The following PLCG2 variants were observed in gnomAD, a reference collection of about 807,000 sequenced individuals.
PLCG2 encodes phospholipase C gamma 2, also known as 1-phosphatidylinositol 4,5-bisphosphate phosphodiesterase gamma-2.
A neutral mutation model predicts 175.6 loss-of-function variants in PLCG2; 69 were observed. That is an observed-to-expected ratio of 0.39 (90% CI 0.32 to 0.48). The LOEUF (loss-of-function observed/expected upper bound fraction) is 0.48. PLCG2 is among the 20% of genes least tolerant of loss of function. The pLI, the probability that PLCG2 is intolerant of heterozygous loss-of-function variation, is 0.91. For missense variants in PLCG2, 1,798 were observed against 1,650.9 expected (o/e 1.09, Z -1.54); for synonymous variants, 827 against 624.0 (o/e 1.33, Z -4.85).
intron 2 of PLCG2, among the ~76,000 whole-genome samples, chr16:81,838,134 A>G (rs919746936): frequency 6.6e-6 from 1 of 151,192 alleles, no homozygotes; most frequent in African/African-American, 2.4e-5. Context: ...GCTAGAGTGC[A>G]CTGGCTTGAT....
At chr16:81,771,674 C>A (rs1172149258) in intron 2 of PLCG2, among the ~76,000 whole-genome samples, 5 of 151,802 alleles carry the variant, frequency 3.3e-5, no homozygotes, top group African/African-American at 1.2e-4. Flanking sequence ...ATTGTGACCC[C>A]CCCCAACCCC....
intron 5 of PLCG2, among the ~76,000 whole-genome samples, chr16:81,862,622 C>T (rs1486616962): frequency 6.6e-6 from 1 of 152,066 alleles, no homozygotes; most frequent in Admixed American, 6.6e-5. Flanking sequence ...GTAATCCTAA[C>T]AGTTTGGGAG....
chr16:81,758,811 G>A (rs1303364763), intron 2 of PLCG2, among the ~76,000 whole-genome samples: 9 of 152,014 alleles, frequency 5.9e-5, no homozygotes, highest in African/African-American at 2.2e-4. Flanking sequence ...CCGAGTAGCT[G>A]GGATTACAGG....
At chr16:81,781,922 A>G (rs1597315034) in intron 1 of PLCG2, among the ~76,000 whole-genome samples, 1 of 135,254 alleles carries the variant, frequency 7.4e-6, no homozygotes, top group Non-Finnish European at 1.5e-5. Flanking sequence ...CCCAGGCTGG[A>G]GTGCAGTGGC....
intron 1 of PLCG2, among the ~76,000 whole-genome samples, chr16:81,740,030 C>T (rs1425129732): frequency 8.1e-5 from 12 of 148,262 alleles, no homozygotes; most frequent in Non-Finnish European, 1.5e-4. Context: ...CACAGTTACT[C>T]GGGAGGCTGA....
At chr16:81,810,640 C>CTTTTTTTT (rs1177879946) in intron 2 of PLCG2, among the ~76,000 whole-genome samples, 1 of 51,352 alleles carries the variant, frequency 1.9e-5, no homozygotes, top group African/African-American at 6.0e-5. Context: ...TCTGCAATTT[C>CTTTTTTTT]TTTCTTTTTA....
intron 8 of PLCG2, among the ~76,000 whole-genome samples, chr16:81,881,217 T>C (rs527887252): frequency 6.6e-6 from 1 of 152,024 alleles, no homozygotes; most frequent in Non-Finnish European, 1.5e-5. Flanking sequence ...TTTCCCCGAA[T>C]GTGCCTCATG....
At chr16:81,905,888 G>C (rs2143644558) in intron 15 of PLCG2, among the ~76,000 whole-genome samples, 1 of 152,236 alleles carries the variant, frequency 6.6e-6, no homozygotes, top group Non-Finnish European at 1.5e-5. Flanking sequence ...TCAAACTCCT[G>C]GGCTCAAACA....
chr16:81,877,632 T>G (rs551616235), intron 7 of PLCG2, among the ~76,000 whole-genome samples: 44 of 152,232 alleles, frequency 2.9e-4, no homozygotes, highest in Non-Finnish European at 5.3e-4. Flanking sequence ...TTCCTCGGAG[T>G]GTGGACACCG....
chr16:81,794,149 T>C (rs1911361451), intron 2 of PLCG2, among the ~76,000 whole-genome samples: 1 of 152,044 alleles, frequency 6.6e-6, no homozygotes, highest in South Asian at 2.1e-4. Context: ...GCCGGATTTG[T>C]GGGGAGATGC....
At chr16:81,888,860 A>G (rs1009980963) in intron 9 of PLCG2, among the ~76,000 whole-genome samples, 2 of 152,312 alleles carry the variant, frequency 1.3e-5, no homozygotes, top group African/African-American at 2.4e-5. Context: ...TTGGAATACA[A>G]CCATGCCCAT....
intron 2 of PLCG2, among the ~76,000 whole-genome samples, chr16:81,848,728 C>G (rs1039727031): frequency 1.3e-5 from 2 of 152,214 alleles, no homozygotes; most frequent in African/African-American, 2.4e-5. Flanking sequence ...TGTGTGCCAG[C>G]TACTCTGATA....
At position 81,890,777 on chromosome 16, in the gene PLCG2, C is replaced by A. The variant is rs183333698; in HGVS notation, c.868-695C>A. ...GGCCAGGAATTGTAACTTGAAATTT[C>A]CTGCCCTTTCAACATTCTGATATGG... On this transcript the variant is annotated intron_variant, in intron 10 of 32. Coordinates refer to ENST00000564138, the MANE Select transcript of PLCG2 (RefSeq NM_002661.5). Among the ~76,000 whole-genome samples the A allele has an allele frequency of 1.2e-3, 187 of 152,288 alleles. 2 individuals are homozygous for A. Among genetic ancestry groups the A allele is most frequent in the African/African-American group, 4.3e-3 (178 of 41,552 alleles).
At chr16:81,817,686 G>A (rs1469323134) in intron 2 of PLCG2, among the ~76,000 whole-genome samples, 1 of 152,186 alleles carries the variant, frequency 6.6e-6, no homozygotes, top group Admixed American at 6.5e-5. Flanking sequence ...GGGTCTCACT[G>A]TGTTGCCCAG....
intron 14 of PLCG2, among the ~76,000 whole-genome samples, chr16:81,904,822 G>A (rs777063137): frequency 1.9e-4 from 29 of 152,224 alleles, no homozygotes; most frequent in Non-Finnish European, 3.7e-4. Flanking sequence ...CTAGACAAGT[G>A]AGAGGAATAA....
intron 8 of PLCG2, 83 bp from the exon 9 acceptor site, chr16:81,883,186 G>T: frequency 8.3e-7 from 1 of 1,207,852 alleles, no homozygotes. Context: ...TGGGTGGCAG[G>T]CTGCCCCATT....
chr16:81,819,217 G>A (rs948569622), intron 2 of PLCG2, among the ~76,000 whole-genome samples: 1 of 152,158 alleles, frequency 6.6e-6, no homozygotes, highest in Non-Finnish European at 1.5e-5. Context: ...AGAGATGGAT[G>A]TGGTGGGTGG....
rs1464470675 is a variant in PLCG2, at chr16:81,769,467, C to T, written c.-48+13501C>T. On this transcript the variant is annotated intron_variant, in intron 2 of 5. Transcript: ENST00000565054. ...CGGCGCATCTCAGACTTTTCTAAGG[C>T]CCCCCAGGAGAGGTGAGAGTCCTCT... 2.6e-5 allele frequency among the ~76,000 whole-genome samples: 4 copies of T among 152,078 alleles called. No homozygotes were observed. In the East Asian group the frequency reaches 7.7e-4, roughly 29 times the overall value.
intron 11 of PLCG2, 33 bp downstream of exon 11, chr16:81,891,623 C>A (rs1315774636): frequency 3.3e-6 from 4 of 1,225,086 alleles, no homozygotes; most frequent in Non-Finnish European, 2.4e-6. Flanking sequence ...ATGGGTTGGG[C>A]AGCACAGAGC....
Sources: gnomAD v4.1 joint callset for allele counts (sites outside exome capture counted in the v4.1 genomes callset) on GRCh38, gnomAD v4.1.1 for gene constraint, MANE v1.5 for transcripts, NCBI Gene and HGNC (gene_info 2026-07-23, HGNC 2026-07-21) for gene names.